SLC38A1: variants seen among roughly 807,000 people sequenced by gnomAD.
The protein encoded by SLC38A1 is sodium-coupled neutral amino acid symporter 1.
In SLC38A1, 18 loss-of-function variants were observed where a neutral mutation model predicts 60.3. That is an observed-to-expected ratio of 0.30 (90% CI 0.21 to 0.44). SLC38A1 has a LOEUF of 0.44. SLC38A1 is among the 20% of genes least tolerant of loss of function. SLC38A1 has a pLI of 1.00. For missense variants in SLC38A1, 448 were observed against 587.2 expected (o/e 0.76, Z 2.45); for synonymous variants, 196 against 212.1 (o/e 0.92, Z 0.66).
At chr12:46,249,725 C>G (rs927078615) in intron 1 of SLC38A1, among the ~76,000 whole-genome samples, 1 of 152,118 alleles carries the variant, frequency 6.6e-6, no homozygotes, top group African/African-American at 2.4e-5. Context: ...ACAGATAAAC[C>G]AGAAAAATCT....
intron 1 of SLC38A1, among the ~76,000 whole-genome samples, chr12:46,257,958 G>A (rs1234158395): frequency 1.3e-5 from 2 of 152,204 alleles, no homozygotes; most frequent in South Asian, 2.1e-4. Flanking sequence ...GAGCAGCTTC[G>A]AGGGCTGCTG....
intron 1 of SLC38A1, among the ~76,000 whole-genome samples, chr12:46,246,579 A>G (rs12366280): frequency 1.4e-3 from 212 of 152,388 alleles, no homozygotes; most frequent in Middle Eastern, 3.4e-3. Context: ...CTGGGGGCAG[A>G]GCATAGCTGA....
At chr12:46,219,013 G>A (rs952343395) in intron 5 of SLC38A1, among the ~76,000 whole-genome samples, 10 of 152,150 alleles carry the variant, frequency 6.6e-5, no homozygotes, top group Non-Finnish European at 1.0e-4. Flanking sequence ...AGCAATTTGG[G>A]GAGGTTCAGA....
rs113926825 is a variant in SLC38A1 at position 46,197,897 on chromosome 12, G to A, written c.1264+22C>T. 36 of 1,612,124 alleles carry A rather than the reference G, an allele frequency of 2.2e-5. 1 individual carries two copies. The African/African-American group carries it at 2.7e-4, about 12-fold the overall frequency. On this transcript the variant is annotated intron_variant, in intron 15 of 16. Transcript: ENST00000398637. ...GCAAACAGCTACTGTAGAATGACAA[G>A]CACAAAGTCATGAAGCCATACCTAC... is the stretch of plus-strand genomic sequence containing the variant.
At chr12:46,262,638 A>G (rs1236391376) in intron 1 of SLC38A1, among the ~76,000 whole-genome samples, 2 of 152,232 alleles carry the variant, frequency 1.3e-5, no homozygotes, top group African/African-American at 4.8e-5. Flanking sequence ...AGATGGATAC[A>G]GTTTTGTGTG....
rs1382157614 is a variant in SLC38A1, at chr12:46,185,705, G to C, written c.*3265C>G. ...AAGGCACACCAAGCCTGAACCCTCC[G>C]GACAACAGCAGAGTTACCAGCTGAG... On this transcript the variant is annotated 3_prime_UTR_variant, in exon 17 of 17. Transcript: ENST00000398637. 6.6e-6 allele frequency: 1 copy of C among 151,892 alleles called. No homozygotes were observed. Among genetic ancestry groups the C allele is most frequent in the African/African-American group, 2.4e-5 (1 of 41,324 alleles). The allele number at this position is 151,892 out of a possible 1,614,324, so 9.4% of individuals were successfully genotyped here. A position where few individuals can be genotyped will look rare whatever the true frequency, so the allele number is the denominator to read the frequency against.
At chr12:46,204,166 G>A (rs758053139) in intron 11 of SLC38A1, 135 bp downstream of exon 11, 34 of 689,234 alleles carry the variant, frequency 4.9e-5, no homozygotes, top group Non-Finnish European at 8.2e-5. Context: ...CTACATAGAT[G>A]TGTAATCTGG....
At chr12:46,256,603 G>GCA (rs1491043013) in intron 1 of SLC38A1, among the ~76,000 whole-genome samples, 7 of 45,520 alleles carry the variant, frequency 1.5e-4, no homozygotes, top group Non-Finnish European at 2.6e-4. Flanking sequence ...TCCAGTTTGC[G>GCA]CGCGCGCGCG....
intron 16 of SLC38A1, chr12:46,196,129 A>C: frequency 6.5e-7 from 1 of 1,535,538 alleles, no homozygotes; most frequent in South Asian, 1.2e-5. Flanking sequence ...AGAACAGACT[A>C]ATACAGATTA....
intron 5 of SLC38A1, among the ~76,000 whole-genome samples, chr12:46,209,804 C>A (rs981921280): frequency 1.3e-5 from 2 of 152,052 alleles, no homozygotes; most frequent in Admixed American, 6.5e-5. Context: ...TGTTTTAGTA[C>A]ATCTGGGTCA....
intron 1 of SLC38A1, among the ~76,000 whole-genome samples, chr12:46,256,611 G>GCACACACA (rs1181945728): frequency 1.3e-4 from 15 of 113,058 alleles, no homozygotes; most frequent in African/African-American, 4.8e-4. Flanking sequence ...GCGCGCGCGC[G>GCACACACA]CGCACACACA....
Position 46,196,144 on chromosome 12 carries a change from A to G in SLC38A1, c.1362+1576T>C. ...AGAACAGACTAATACAGATTACTAA[A>G]TCCAGAATCCAGAGAACACAAGATT... On this transcript the variant is annotated intron_variant, in intron 16 of 16. Transcript: ENST00000398637. The G allele has an allele frequency of 2.6e-6, 4 of 1,535,962 alleles. No homozygotes were observed. In the South Asian group the frequency reaches 4.8e-5, roughly 18 times the overall value.
At chr12:46,262,798 A>T (rs1212244622) in intron 1 of SLC38A1, among the ~76,000 whole-genome samples, 1 of 152,242 alleles carries the variant, frequency 6.6e-6, no homozygotes, top group Non-Finnish European at 1.5e-5. Flanking sequence ...TTATTTGAAA[A>T]GAGAAAATGT....
intron 9 of SLC38A1, 74 bp from the exon 10 acceptor site, chr12:46,204,664 A>T: frequency 8.9e-7 from 1 of 1,129,642 alleles, no homozygotes; most frequent in Non-Finnish European, 1.3e-6. Flanking sequence ...CCCATCATAA[A>T]CTGTTATTAT....
intron 3 of SLC38A1, among the ~76,000 whole-genome samples, chr12:46,235,111 T>TA (rs995296946): frequency 4.6e-5 from 7 of 152,130 alleles, no homozygotes; most frequent in Admixed American, 3.9e-4. Flanking sequence ...GACAAAGCCT[T>TA]AAAAAATGAT....
Position 46,205,411 on chromosome 12 carries a change from C to T in SLC38A1, c.646+669G>A, listed in dbSNP as rs187079580. 1.4e-3 allele frequency among the ~76,000 whole-genome samples: 217 copies of T among 152,146 alleles called. 3 individuals carry two copies. Among genetic ancestry groups the T allele is most frequent in the African/African-American group, 5.0e-3 (206 of 41,518 alleles). ...ATTGTTTGGAGAGCTTTTATCCAAA[C>T]TTCTGTTTGAATTAGCCCAGAATTA... On this transcript the variant is annotated intron_variant, in intron 9 of 16. Coordinates refer to ENST00000398637, the MANE Select transcript of SLC38A1 (RefSeq NM_030674.4).
At chr12:46,239,428 G>T (rs182493856) in intron 3 of SLC38A1, 3 of 265,756 alleles carry the variant, frequency 1.1e-5, no homozygotes, top group Non-Finnish European at 2.2e-5. Flanking sequence ...AGGTTCAAGC[G>T]ATTCTCCTGC....
At chr12:46,250,688 C>T (rs1941805698) in intron 1 of SLC38A1, among the ~76,000 whole-genome samples, 1 of 152,146 alleles carries the variant, frequency 6.6e-6, no homozygotes, top group African/African-American at 2.4e-5. Context: ...TTCCTATAAA[C>T]CAATAACAGA....
intron 16 of SLC38A1, among the ~76,000 whole-genome samples, chr12:46,196,678 C>T (rs1939394254): frequency 6.6e-6 from 1 of 152,164 alleles, no homozygotes; most frequent in South Asian, 2.1e-4. Context: ...CTACACCTCT[C>T]ATCTGGATCT....
Sources: gnomAD v4.1 joint callset for allele counts (sites outside exome capture counted in the v4.1 genomes callset) on GRCh38, gnomAD v4.1.1 for gene constraint, MANE v1.5 for transcripts, NCBI Gene and HGNC (gene_info 2026-07-23, HGNC 2026-07-21) for gene names.